The following THSD4 variants were observed in gnomAD, a reference collection of about 807,000 sequenced individuals.
THSD4 encodes the protein thrombospondin type 1 domain containing 4, also known as thrombospondin type-1 domain-containing protein 4.
THSD4 carries 69 observed loss-of-function variants against 119.0 expected under a neutral mutation model. The ratio of observed to expected loss-of-function variants is 0.58; its 90% CI spans 0.48 to 0.71. THSD4 has a LOEUF of 0.71. Among genes scored for constraint, THSD4 ranks in the 30% least tolerant of loss-of-function variants. The pLI is 0.00. For missense variants in THSD4, 1,393 were observed against 1,391.1 expected, an observed-to-expected ratio of 1.00 and a Z score of -0.02; for synonymous variants, 524 against 540.4, an observed-to-expected ratio of 0.97 and a Z score of 0.42.
intron 7 of THSD4, among the ~76,000 whole-genome samples, chr15:71,658,132 C>T (rs1995337): frequency 0.29 from 43,976 of 152,078 alleles, 7,026 homozygotes; most frequent in East Asian, 0.7. Context: ...GTCATTGTTA[C>T]CACCGAAAAG....
At chr15:71,323,782 T>C (rs1426906564) in intron 6 of THSD4, among the ~76,000 whole-genome samples, 4 of 152,248 alleles carry the variant, frequency 2.6e-5, no homozygotes, top group Admixed American at 2.6e-4. Flanking sequence ...AATGTATTTA[T>C]GGTAGCAACT....
At chr15:71,775,964 A>G (rs759110841) in intron 17 of THSD4, among the ~76,000 whole-genome samples, 4 of 152,208 alleles carry the variant, frequency 2.6e-5, no homozygotes, top group Non-Finnish European at 4.4e-5. Context: ...AAGATGAACA[A>G]TTCAATAAAT....
At chr15:71,544,968 G>A (rs1195169818) in intron 7 of THSD4, among the ~76,000 whole-genome samples, 1 of 152,180 alleles carries the variant, frequency 6.6e-6, no homozygotes, top group Non-Finnish European at 1.5e-5. Context: ...AAAACTCATG[G>A]AGACAGACAG....
chr15:71,620,978 TTAAAA>T (rs1249103453), intron 7 of THSD4, among the ~76,000 whole-genome samples: 4 of 152,332 alleles, frequency 2.6e-5, no homozygotes, highest in East Asian at 3.9e-4. Flanking sequence ...TTATTGATCT[TTAAAA>T]TAGGATGGTA....
rs1220511898 is a variant in THSD4 at position 71,746,928 on chromosome 15, C to T, written c.2127C>T (p.Asn709=). The T allele has an allele frequency of 6.2e-7, 1 of 1,613,976 alleles. No homozygotes were observed. The highest frequency in any genetic ancestry group is 1.1e-5 in the South Asian group (1 of 91,080). Residue 709 remains asparagine, a synonymous_variant, in exon 13 of 18, where the codon AAC becomes AAT. Coordinates refer to ENST00000261862, the MANE Select transcript of THSD4 (RefSeq NM_024817.3). The stretch of plus-strand genomic sequence containing the variant: ...TTCTGTGCCGCCAGGTGTACGCCAA[C>T]CGCAGCCTGACGGTGCAGCCCTACC... ...RQVLCRQVYA[N]RSLTVQPYRC... is the part of the protein sequence containing the mutation.
chr15:71,768,568 T>TG (rs2053756572), intron 16 of THSD4, among the ~76,000 whole-genome samples: 1 of 145,730 alleles, frequency 6.9e-6, no homozygotes, highest in African/African-American at 2.5e-5. Flanking sequence ...TGATTTTTTT[T>TG]TTTTTTTTTT....
intron 7 of THSD4, among the ~76,000 whole-genome samples, chr15:71,580,879 A>G (rs534287876): frequency 3.9e-5 from 6 of 152,164 alleles, no homozygotes; most frequent in East Asian, 1.9e-4. Context: ...GTGTGTGTGT[A>G]TATATCTACT....
intron 8 of THSD4, among the ~76,000 whole-genome samples, chr15:71,672,536 T>C (rs1251977052): frequency 3.3e-5 from 5 of 152,142 alleles, no homozygotes; most frequent in African/African-American, 7.2e-5. Context: ...TGAATAGGAG[T>C]GGTGAGAGAG....
At chr15:71,554,913 C>T (rs72737257) in intron 7 of THSD4, among the ~76,000 whole-genome samples, 50,448 of 151,950 alleles carry the variant, frequency 0.33, 10,232 homozygotes, top group South Asian at 0.48. Context: ...AAAGCAAACA[C>T]GTATGAACTC....
intron 7 of THSD4, among the ~76,000 whole-genome samples, chr15:71,562,944 C>T (rs1256433778): frequency 5.9e-5 from 9 of 152,100 alleles, no homozygotes; most frequent in Non-Finnish European, 8.8e-5. Flanking sequence ...CTCAGGTGAT[C>T]CACCCGCCTC....
intron 14 of THSD4, among the ~76,000 whole-genome samples, chr15:71,750,206 A>G (rs975933395): frequency 1.3e-5 from 2 of 152,206 alleles, no homozygotes; most frequent in African/African-American, 4.8e-5. Flanking sequence ...CATGAGAACA[A>G]CAACCATAGT....
rs556507054 is a variant in THSD4, at chr15:71,117,812, G to A, written c.-80+2114G>A. ...TTATCTCCAACAGATATTTCTGAGC[G>A]TCTGCTATGTGCCAGGGACTGTTAC... On this transcript the variant is annotated intron_variant, in intron 1 of 17. Coordinates refer to ENST00000261862, the MANE Select transcript of THSD4 (RefSeq NM_024817.3). Among the ~76,000 whole-genome samples the A allele has an allele frequency of 2.2e-4, 33 of 152,270 alleles. No individual in the cohort carries two copies. In the South Asian group the frequency reaches 5.6e-3, roughly 26 times the overall value.
chr15:71,742,475 A>G (rs148532320), intron 11 of THSD4, among the ~76,000 whole-genome samples: 1 of 152,200 alleles, frequency 6.6e-6, no homozygotes, highest in East Asian at 1.9e-4. Context: ...GACCTCATTT[A>G]TTATCTGCTA....
chr15:71,314,058 G>T (rs2045152188), intron 6 of THSD4, among the ~76,000 whole-genome samples: 1 of 152,178 alleles, frequency 6.6e-6, no homozygotes, highest in Non-Finnish European at 1.5e-5. Flanking sequence ...AAGTCCTGCG[G>T]CTTTTCTCAG....
intron 6 of THSD4, among the ~76,000 whole-genome samples, chr15:71,359,416 G>A (rs2045863806): frequency 6.6e-6 from 1 of 152,212 alleles, no homozygotes; most frequent in African/African-American, 2.4e-5. Context: ...GTAGGTAGAA[G>A]CTGTATTCGT....
intron 17 of THSD4, among the ~76,000 whole-genome samples, chr15:71,773,895 T>A (rs1206404818): frequency 1.3e-5 from 2 of 152,188 alleles, no homozygotes; most frequent in Admixed American, 6.5e-5. Flanking sequence ...ATTGATAGCA[T>A]CTTAAAATCA....
intron 1 of THSD4, among the ~76,000 whole-genome samples, chr15:71,108,785 A>G (rs1245584117): frequency 6.6e-6 from 1 of 152,172 alleles, no homozygotes; most frequent in South Asian, 2.1e-4. Context: ...AGGTCAAGCG[A>G]TGGAGACCAT....
In THSD4 at chr15:71,450,686, G is replaced by A. The variant is rs187421749; in HGVS notation, c.1152+38863G>A. On this transcript the variant is annotated intron_variant, in intron 7 of 17. Transcript: ENST00000261862. ...AGCCCCCATTTCACTTGGTAGTGTA[G>A]GGGAGGGAAATGTGGCTTGCCCCTC... Among the ~76,000 whole-genome samples, 402 of 152,332 alleles carry A rather than the reference G, an allele frequency of 2.6e-3. 1 individual carries two copies. The highest frequency in any genetic ancestry group is 3.4e-3 in the Middle Eastern group (1 of 294).
intron 7 of THSD4, among the ~76,000 whole-genome samples, chr15:71,533,928 T>C (rs2048652009): frequency 6.6e-6 from 1 of 152,154 alleles, no homozygotes; most frequent in Non-Finnish European, 1.5e-5. Flanking sequence ...TTATTGGAAA[T>C]CCAAAGTCTC....
Sources: gnomAD v4.1 joint callset for allele counts (sites outside exome capture counted in the v4.1 genomes callset) on GRCh38, gnomAD v4.1.1 for gene constraint, MANE v1.5 for transcripts, NCBI Gene and HGNC (gene_info 2026-07-23, HGNC 2026-07-21) for gene names.